TMEM273: variants seen among roughly 807,000 people sequenced by gnomAD.
The protein encoded by TMEM273 is chromosome 10 open reading frame 128.
Under a neutral mutation model 17.9 loss-of-function variants are expected in TMEM273, and 19 were observed. The ratio of observed to expected loss-of-function variants is 1.06; its 90% CI spans 0.74 to 1.55. The LOEUF (loss-of-function observed/expected upper bound fraction) is 1.55, where lower values mean the gene tolerates loss of function less well. Ranked by LOEUF, TMEM273 falls within the 40% of genes most tolerant of loss-of-function variation. The probability of loss-of-function intolerance (pLI) is 0.00; values close to 1 mark genes in which losing one functional copy is unlikely to be tolerated. For synonymous variants in TMEM273, 66 were observed against 62.0 expected (o/e 1.07, Z -0.31); for missense variants, 194 against 155.6 (o/e 1.25, Z -1.31).
chr10:49,185,665 G>A (rs1198633264), intron 1 of TMEM273, among the ~76,000 whole-genome samples: 1 of 152,152 alleles, frequency 6.6e-6, no homozygotes, highest in African/African-American at 2.4e-5. Flanking sequence ...TTAAGATGCT[G>A]TATAATTCTT....
chr10:49,178,172 T>C (rs758845344), intron 1 of TMEM273: 14 of 457,328 alleles, frequency 3.1e-5, no homozygotes, highest in South Asian at 2.2e-4. Context: ...CCTCCTCTTT[T>C]GCTGGCCCAT....
intron 1 of TMEM273, among the ~76,000 whole-genome samples, chr10:49,179,442 G>A (rs1847204418): frequency 6.6e-6 from 1 of 152,198 alleles, no homozygotes; most frequent in Non-Finnish European, 1.5e-5. Flanking sequence ...AATCAGGACT[G>A]TGTGTCTGAG....
Position 49,155,105 on chromosome 10 carries a change from G to C in TMEM273, c.*787C>G, listed in dbSNP as rs1363285371. The C allele has an allele frequency of 6.6e-6, 1 of 152,212 alleles. No homozygotes were observed. The highest frequency in any genetic ancestry group is 1.5e-5 in the Non-Finnish European group (1 of 68,054). The allele number at this position is 152,212 out of a possible 1,614,324, so 9.4% of individuals were successfully genotyped here. ...TCATGGCTTTCCTCAGCCTCCACCAGTCATGTCTTCTATGCAACAGCCATG... is the reference window on the plus strand; with the variant it reads ...TCATGGCTTTCCTCAGCCTCCACCACTCATGTCTTCTATGCAACAGCCATG... On this transcript the variant is annotated 3_prime_UTR_variant, in exon 7 of 7. Transcript: ENST00000374153.
chr10:49,162,858 C>T (rs980630192), intron 5 of TMEM273, among the ~76,000 whole-genome samples: 2 of 152,234 alleles, frequency 1.3e-5, no homozygotes, highest in African/African-American at 4.8e-5. Flanking sequence ...GTCAATCCTT[C>T]TCACCCTTCC....
rs998074718 is a variant in TMEM273, at chr10:49,165,292, G to A, written c.270-9C>T. 36 of 1,550,446 alleles carry A rather than the reference G, an allele frequency of 2.3e-5. No homozygotes were observed. The highest frequency in any genetic ancestry group is 3.9e-5 in the Admixed American group (2 of 50,994). On this transcript the variant is annotated splice_polypyrimidine_tract_variant and intron_variant, in intron 4 of 6. Transcript: ENST00000374153. Reference sequence around the variant, plus strand: ...TCGAGGCTTGCAGCTTTCTGGCAAAGAGCATTCCAATTACAGAAAACAGCA... The same window carrying A: ...TCGAGGCTTGCAGCTTTCTGGCAAAAAGCATTCCAATTACAGAAAACAGCA...
At position 49,165,272 on chromosome 10, in the gene TMEM273, G is replaced by T; in HGVS notation, c.281C>A (p.Ala94Asp). 6.4e-7 allele frequency: 1 copy of T among 1,550,572 alleles called. No homozygotes were observed. Among genetic ancestry groups the T allele is most frequent in the Non-Finnish European group, 8.7e-7 (1 of 1,147,002 alleles). Residue 94 changes from alanine (A) to aspartate (D), a missense_variant, in exon 5 of 7, where the codon GCC (alanine) becomes GAC (aspartate). Coordinates refer to ENST00000374153, the MANE Select transcript of TMEM273 (RefSeq NM_001288740.3). ...LKKRAPRKLQ[A>D]STLFSFKSLL... ...GGATTTGAAGGAAAAGAGGGTCGAGGCTTGCAGCTTTCTGGCAAAGAGCAT... is the reference window on the plus strand; with the variant it reads ...GGATTTGAAGGAAAAGAGGGTCGAGTCTTGCAGCTTTCTGGCAAAGAGCAT...
Position 49,175,649 on chromosome 10 carries a change from G to A in TMEM273, c.44-7687C>T, listed in dbSNP as rs184428977. ...TCAATACCTTTTCAGGCTAATGGAG[G>A]GGTGGAGGCGGAGAGCTGGCCTGGG... On this transcript the variant is annotated intron_variant, in intron 1 of 6. Coordinates refer to ENST00000374153, the MANE Select transcript of TMEM273 (RefSeq NM_001288740.3). Among the ~76,000 whole-genome samples, 83 of 152,382 alleles carry A rather than the reference G, an allele frequency of 5.4e-4. No individual in the cohort carries two copies. In the South Asian group the frequency reaches 0.011, roughly 20 times the overall value.
At chr10:49,179,677 G>T (rs902773100) in intron 1 of TMEM273, among the ~76,000 whole-genome samples, 3 of 152,214 alleles carry the variant, frequency 2.0e-5, no homozygotes, top group Non-Finnish European at 4.4e-5. Context: ...GGCACCTTCA[G>T]AACTCAGGAA....
rs760824370 is a variant in TMEM273 at position 49,155,908 on chromosome 10, C to A, written c.374G>T (p.Arg125Ile). The change falls in exon 7 of 7, where the codon AGA becomes ATA. Residue 125 changes from arginine to isoleucine, a missense_variant and splice_region_variant. Coordinates refer to ENST00000374153, the MANE Select transcript of TMEM273 (RefSeq NM_001288740.3). ...ACCTACAGCTCAATCACCTGTGCAT[C>A]TCTGGAAAGGAAGAGAACCATCTGG... is the stretch of plus-strand genomic sequence containing the variant. Reference protein sequence around the residue: ...FKAKPQFLQKRCTGD With the variant: ...FKAKPQFLQKICTGD 1.2e-6 allele frequency: 2 copies of A among 1,614,152 alleles called. No homozygotes were observed. Among genetic ancestry groups the A allele is most frequent in the Non-Finnish European group, 1.7e-6 (2 of 1,180,038 alleles).
At chr10:49,174,077 A>G (rs1046336824) in intron 1 of TMEM273, among the ~76,000 whole-genome samples, 1 of 152,198 alleles carries the variant, frequency 6.6e-6, no homozygotes, top group African/African-American at 2.4e-5. Context: ...TCATCTGAAA[A>G]TGGGGATGCA....
intron 1 of TMEM273, among the ~76,000 whole-genome samples, chr10:49,177,467 G>A (rs1014464861): frequency 2.3e-4 from 35 of 152,098 alleles, no homozygotes; most frequent in Non-Finnish European, 3.8e-4. Context: ...AAAATTCTTC[G>A]CATTTGCATT....
At chr10:49,172,501 C>A (rs1846641678) in intron 1 of TMEM273, among the ~76,000 whole-genome samples, 2 of 152,164 alleles carry the variant, frequency 1.3e-5, no homozygotes, top group Admixed American at 1.3e-4. Context: ...GCCCCACAGC[C>A]AGACCCCCAG....
intron 2 of TMEM273, 93 bp downstream of exon 2, chr10:49,167,816 C>A (rs960524603): frequency 3.8e-5 from 57 of 1,518,804 alleles, no homozygotes; most frequent in Non-Finnish European, 4.7e-5. Context: ...AGCAGGGAAC[C>A]AATTCCAGCA....
chr10:49,173,732 C>T (rs1009642748), intron 1 of TMEM273, among the ~76,000 whole-genome samples: 20 of 152,096 alleles, frequency 1.3e-4, no homozygotes, highest in African/African-American at 4.3e-4. Flanking sequence ...TGGGGGATGC[C>T]GAGAAAGGTG....
At chr10:49,179,760 C>A (rs1333341185) in intron 1 of TMEM273, among the ~76,000 whole-genome samples, 2 of 152,210 alleles carry the variant, frequency 1.3e-5, no homozygotes, top group Non-Finnish European at 2.9e-5. Context: ...AAGCTGGCAA[C>A]CCTGTAATGC....
At chr10:49,165,151 C>G in intron 5 of TMEM273, 54 bp downstream of exon 5, 2 of 1,501,324 alleles carry the variant, frequency 1.3e-6, no homozygotes, top group Non-Finnish European at 1.8e-6. Flanking sequence ...ATAAAGAAAA[C>G]TAAAGCCAAG....
intron 1 of TMEM273, among the ~76,000 whole-genome samples, chr10:49,180,876 C>T (rs183757447): frequency 2.0e-5 from 3 of 152,284 alleles, no homozygotes; most frequent in East Asian, 1.9e-4. Flanking sequence ...GAATATCTAC[C>T]GTCACCACAC....
rs150122399 is a variant in TMEM273 at position 49,168,887 on chromosome 10, C to T, written c.44-925G>A. ...GGAGAGAAATGTGCACATTTATTGGCCACTTACTCTGAGACGGACACTGGG... is the reference window on the plus strand; with the variant it reads ...GGAGAGAAATGTGCACATTTATTGGTCACTTACTCTGAGACGGACACTGGG... On this transcript the variant is annotated intron_variant, in intron 1 of 6. Transcript: ENST00000374153. 5.9e-5 allele frequency among the ~76,000 whole-genome samples: 9 copies of T among 152,260 alleles called. No individual in the cohort carries two copies. The East Asian group carries it at 1.5e-3, about 26-fold the overall frequency.
At chr10:49,164,172 TATC>T (rs1308726093) in intron 5 of TMEM273, among the ~76,000 whole-genome samples, 1 of 152,066 alleles carries the variant, frequency 6.6e-6, no homozygotes, top group Non-Finnish European at 1.5e-5. Flanking sequence ...TTCAAAAAAA[TATC>T]ATCTCACCCA....
Sources: allele counts gnomAD v4.1 joint callset (sites outside exome capture counted in the v4.1 genomes callset), GRCh38; gene constraint gnomAD v4.1.1; transcripts MANE v1.5; gene names NCBI Gene and HGNC (gene_info 2026-07-23, HGNC 2026-07-21).